ADAMTSL3: variants seen among roughly 807,000 people sequenced by gnomAD.
The protein encoded by ADAMTSL3 is ADAMTS like 3.
In ADAMTSL3, 128 loss-of-function variants were observed where a neutral mutation model predicts 201.7. The ratio of observed to expected loss-of-function variants is 0.63; its 90% CI spans 0.55 to 0.73. The LOEUF (loss-of-function observed/expected upper bound fraction) is 0.73, where lower values mean the gene tolerates loss of function less well. Ranked by LOEUF, ADAMTSL3 falls within the 30% of genes least tolerant of loss-of-function variation. ADAMTSL3 has a pLI of 0.00. For missense variants in ADAMTSL3, 1,990 were observed against 2,119.6 expected, an observed-to-expected ratio of 0.94 and a Z score of 1.20; for synonymous variants, 738 against 748.4, an observed-to-expected ratio of 0.99 and a Z score of 0.23.
intron 15 of ADAMTSL3, among the ~76,000 whole-genome samples, chr15:83,912,628 A>G (rs2065953624): frequency 6.6e-6 from 1 of 152,234 alleles, no homozygotes; most frequent in Non-Finnish European, 1.5e-5. Flanking sequence ...GAAAGTATTT[A>G]AGATACCCTA....
chr15:83,797,043 G>A (rs1404505357), intron 4 of ADAMTSL3, among the ~76,000 whole-genome samples: 1 of 152,038 alleles, frequency 6.6e-6, no homozygotes, highest in Non-Finnish European at 1.5e-5. Context: ...GGAAAATACG[G>A]ATAAATTCAA....
At chr15:84,023,732 G>C (rs1003379628) in intron 26 of ADAMTSL3, among the ~76,000 whole-genome samples, 1 of 152,056 alleles carries the variant, frequency 6.6e-6, no homozygotes, top group African/African-American at 2.4e-5. Flanking sequence ...ACACTCCTAG[G>C]ATAAACAGTC....
chr15:83,941,219 C>T (rs887396877), intron 17 of ADAMTSL3, among the ~76,000 whole-genome samples: 4 of 151,384 alleles, frequency 2.6e-5, no homozygotes, highest in Non-Finnish European at 5.9e-5. Flanking sequence ...TTCTTTTGTC[C>T]TATTATATCT....
At chr15:83,732,282 GT>G (rs1196560853) in intron 3 of ADAMTSL3, among the ~76,000 whole-genome samples, 1 of 152,034 alleles carries the variant, frequency 6.6e-6, no homozygotes, top group Non-Finnish European at 1.5e-5. Context: ...AGACTGTAAT[GT>G]GTGTTTTCCA....
intron 2 of ADAMTSL3, among the ~76,000 whole-genome samples, chr15:83,660,408 A>C (rs973253623): frequency 1.2e-4 from 18 of 152,132 alleles, no homozygotes; most frequent in African/African-American, 4.1e-4. Flanking sequence ...CTGTGGGTAA[A>C]TCAGCTCAAG....
At chr15:83,655,586 G>C in intron 1 of ADAMTSL3, 143 bp from the exon 2 acceptor site, 1 of 623,128 alleles carries the variant, frequency 1.6e-6, no homozygotes, top group East Asian at 2.8e-5. Flanking sequence ...CCTGCAGTAG[G>C]CAGCGGCAAC....
intron 2 of ADAMTSL3, among the ~76,000 whole-genome samples, chr15:83,697,896 T>G (rs1001114058): frequency 9.2e-5 from 14 of 152,208 alleles, no homozygotes; most frequent in South Asian, 8.3e-4. Context: ...TTGGTTCCCC[T>G]GGCAACCAGC....
At chr15:83,848,083 T>C (rs1339832730) in intron 7 of ADAMTSL3, among the ~76,000 whole-genome samples, 3 of 150,944 alleles carry the variant, frequency 2.0e-5, no homozygotes, top group Non-Finnish European at 4.4e-5. Context: ...AAGGAGAAAA[T>C]AAATGCAGGT....
chr15:83,917,556 A>G (rs8024418), intron 16 of ADAMTSL3, among the ~76,000 whole-genome samples: 95,404 of 152,066 alleles, frequency 0.63, 31,019 homozygotes, highest in African/African-American at 0.79. Flanking sequence ...AGATATGCCT[A>G]CCTTTTTAGT....
intron 3 of ADAMTSL3, among the ~76,000 whole-genome samples, chr15:83,767,468 G>C (rs1478530305): frequency 6.6e-6 from 1 of 152,208 alleles, no homozygotes; most frequent in Non-Finnish European, 1.5e-5. Context: ...AACCTAAAGA[G>C]ATGTTTGAAC....
At chr15:83,744,101 C>T (rs377613682) in intron 3 of ADAMTSL3, among the ~76,000 whole-genome samples, 10 of 152,100 alleles carry the variant, frequency 6.6e-5, no homozygotes, top group South Asian at 2.1e-4. Context: ...CTGCCTGCCT[C>T]GGCCTCTCAA....
intron 3 of ADAMTSL3, among the ~76,000 whole-genome samples, chr15:83,766,336 TTG>T (rs2062889873): frequency 6.6e-6 from 1 of 152,210 alleles, no homozygotes; most frequent in Non-Finnish European, 1.5e-5. Context: ...TAGCAAGCTC[TTG>T]GTATAGTTTG....
At chr15:83,722,084 T>C (rs2141577568) in intron 3 of ADAMTSL3, among the ~76,000 whole-genome samples, 1 of 152,260 alleles carries the variant, frequency 6.6e-6, no homozygotes, top group South Asian at 2.1e-4. Context: ...CTTAAACTCA[T>C]GAGGCAGGAC....
At chr15:83,736,792 A>G (rs2062375467) in intron 3 of ADAMTSL3, among the ~76,000 whole-genome samples, 1 of 152,212 alleles carries the variant, frequency 6.6e-6, no homozygotes, top group Non-Finnish European at 1.5e-5. Flanking sequence ...GGAAGCCCCC[A>G]ATCTAGAAGA....
intron 20 of ADAMTSL3, 70 bp from the exon 21 acceptor site, chr15:83,982,203 C>T: frequency 8.2e-7 from 1 of 1,225,382 alleles, no homozygotes; most frequent in South Asian, 1.6e-5. Flanking sequence ...TGAAAGATTA[C>T]TGTCAAAAAG....
chr15:83,853,155 G>A (rs1029334770), intron 7 of ADAMTSL3, among the ~76,000 whole-genome samples: 5 of 152,056 alleles, frequency 3.3e-5, no homozygotes, highest in African/African-American at 1.2e-4. Flanking sequence ...ATGCGCAGCC[G>A]GTTGTGCCCA....
At chr15:83,671,804 A>G (rs1208751269) in intron 2 of ADAMTSL3, among the ~76,000 whole-genome samples, 1 of 152,086 alleles carries the variant, frequency 6.6e-6, no homozygotes, top group Non-Finnish European at 1.5e-5. Flanking sequence ...TGTCCTTAGG[A>G]GCTCTGCCAA....
At chr15:83,855,439 A>G (rs1283704602) in intron 7 of ADAMTSL3, among the ~76,000 whole-genome samples, 2 of 152,218 alleles carry the variant, frequency 1.3e-5, no homozygotes, top group African/African-American at 4.8e-5. Context: ...GCAAACTCCC[A>G]GTTAGATAAA....
chr15:83,762,933 C>G (rs915793859), intron 3 of ADAMTSL3, among the ~76,000 whole-genome samples: 1 of 151,116 alleles, frequency 6.6e-6, no homozygotes, highest in East Asian at 1.9e-4. Flanking sequence ...GTCACCCAGG[C>G]TGGAGTGCAG....
Sources: gnomAD v4.1 joint callset for allele counts (sites outside exome capture counted in the v4.1 genomes callset) on GRCh38, gnomAD v4.1.1 for gene constraint, MANE v1.5 for transcripts, NCBI Gene and HGNC (gene_info 2026-07-23, HGNC 2026-07-21) for gene names.